TXNRD1: variants seen among roughly 807,000 people sequenced by gnomAD.
TXNRD1 encodes the protein thioredoxin reductase 1.
TXNRD1 carries 57 observed loss-of-function variants against 80.3 expected under a neutral mutation model. The observed-to-expected ratio is 0.71, with a 90% CI of 0.57 to 0.89. The LOEUF is 0.89. Among genes scored for constraint, TXNRD1 ranks in the 40% least tolerant of loss-of-function variants. The pLI, the probability that TXNRD1 is intolerant of heterozygous loss-of-function variation, is 0.00. For synonymous variants in TXNRD1, 291 were observed against 285.2 expected (o/e 1.02, Z -0.20); for missense variants, 730 against 803.0 (o/e 0.91, Z 1.10).
intron 3 of TXNRD1, chr12:104,258,349 T>C (rs1469896698): frequency 9.7e-6 from 3 of 308,850 alleles, no homozygotes; most frequent in Admixed American, 1.1e-4. Context: ...TAGTTACAGA[T>C]ACAGTATTTG....
chr12:104,236,545 T>G (rs949754708), intron 1 of TXNRD1, among the ~76,000 whole-genome samples: 1 of 152,106 alleles, frequency 6.6e-6, no homozygotes, highest in African/African-American at 2.4e-5. Context: ...ATCCCAGCAC[T>G]TTGGGAGGCT....
chr12:104,299,913 G>A (rs2034564466), intron 4 of TXNRD1, among the ~76,000 whole-genome samples: 1 of 152,156 alleles, frequency 6.6e-6, no homozygotes, highest in Non-Finnish European at 1.5e-5. Flanking sequence ...GAGAAAAGCT[G>A]CTATGAAAGA....
At chr12:104,310,170 G>A in intron 4 of TXNRD1, 1 of 1,091,484 alleles carries the variant, frequency 9.2e-7, no homozygotes. Context: ...AAATGAGATG[G>A]AGTCTCACTC....
At chr12:104,343,333 C>G (rs1193762572) in intron 16 of TXNRD1, among the ~76,000 whole-genome samples, 3 of 152,130 alleles carry the variant, frequency 2.0e-5, no homozygotes, top group Non-Finnish European at 4.4e-5. Flanking sequence ...TACTTCATCT[C>G]CACAGACTGT....
At chr12:104,328,250 A>G (rs1054169940) in intron 13 of TXNRD1, among the ~76,000 whole-genome samples, 2 of 152,054 alleles carry the variant, frequency 1.3e-5, no homozygotes, top group African/African-American at 2.4e-5. Context: ...TCAAGTTTTC[A>G]GCACTGTTGT....
chr12:104,339,464 C>T (rs761754264), intron 16 of TXNRD1, 191 bp downstream of exon 16: 1 of 794,324 alleles, frequency 1.3e-6, no homozygotes, highest in South Asian at 1.3e-5. Flanking sequence ...AGGCTTCCGT[C>T]ATGTCGTTAA....
chr12:104,223,988 A>G (rs933209457), intron 1 of TXNRD1, among the ~76,000 whole-genome samples: 2 of 152,236 alleles, frequency 1.3e-5, no homozygotes, highest in Non-Finnish European at 2.9e-5. Flanking sequence ...TTCTTTTTGC[A>G]TAGGCACTGA....
rs573074840 is a variant in TXNRD1 at position 104,224,434 on chromosome 12, G to A, written c.91+8541G>A. On this transcript the variant is annotated intron_variant, in intron 1 of 16. Transcript: ENST00000525566. ...AAACAGAGTCTTGCTCTGTCCCCAGGCTAGAGTGCAGTGGCGCAATCTCGG... is the reference window on the plus strand; with the variant it reads ...AAACAGAGTCTTGCTCTGTCCCCAGACTAGAGTGCAGTGGCGCAATCTCGG... Among the ~76,000 whole-genome samples, 260 of 152,182 alleles carry A rather than the reference G, an allele frequency of 1.7e-3. 2 individuals are homozygous for A. Among genetic ancestry groups the A allele is most frequent in the South Asian group, 3.1e-3 (15 of 4,820 alleles).
intron 3 of TXNRD1, among the ~76,000 whole-genome samples, chr12:104,273,766 G>A (rs1180907235): frequency 6.6e-6 from 1 of 152,264 alleles, no homozygotes; most frequent in Non-Finnish European, 1.5e-5. Context: ...GAAAGAGGAA[G>A]AGGATTAGAA....
At chr12:104,329,512 G>A (rs1338482249) in intron 13 of TXNRD1, among the ~76,000 whole-genome samples, 2 of 151,858 alleles carry the variant, frequency 1.3e-5, no homozygotes, top group African/African-American at 4.8e-5. Flanking sequence ...AGATCGGTGA[G>A]GTGGTGCGTG....
In TXNRD1 at chr12:104,324,968, C is replaced by T. The variant is rs528763182; in HGVS notation, c.1216-369C>T. Among the ~76,000 whole-genome samples, 6 of 152,284 alleles carry T rather than the reference C, an allele frequency of 3.9e-5. No homozygotes were observed. The East Asian group carries it at 7.7e-4, about 20-fold the overall frequency. On this transcript the variant is annotated intron_variant, in intron 10 of 16. Transcript: ENST00000525566. ...TCTCTGAATTTGGGCAACAGTTGCC[C>T]TCCATGGGATTAATGATTCTGGGTG...
intron 2 of TXNRD1, among the ~76,000 whole-genome samples, chr12:104,255,631 A>G (rs2033231486): frequency 6.6e-6 from 1 of 152,116 alleles, no homozygotes; most frequent in African/African-American, 2.4e-5. Context: ...CGTCTCTACT[A>G]AAAATACAAA....
intron 1 of TXNRD1, among the ~76,000 whole-genome samples, chr12:104,243,707 C>T (rs996889698): frequency 1.2e-4 from 19 of 152,268 alleles, no homozygotes; most frequent in Admixed American, 1.0e-3. Context: ...CATGACAAAC[C>T]TGTAAACCAG....
chr12:104,320,646 G>GTT (rs777199543), intron 9 of TXNRD1, among the ~76,000 whole-genome samples: 17 of 146,238 alleles, frequency 1.2e-4, no homozygotes, highest in South Asian at 2.2e-4. Flanking sequence ...GATATTGAAA[G>GTT]TTTTTTTTTT....
intron 9 of TXNRD1, 140 bp from the exon 10 acceptor site, chr12:104,320,951 A>G: frequency 3.0e-6 from 2 of 662,528 alleles, no homozygotes; most frequent in Non-Finnish European, 5.2e-6. Flanking sequence ...CTTCTCATGT[A>G]TTATGTGTGT....
intron 1 of TXNRD1, among the ~76,000 whole-genome samples, chr12:104,237,976 G>A (rs1410058539): frequency 2.0e-5 from 3 of 151,500 alleles, no homozygotes; most frequent in Admixed American, 1.3e-4. Context: ...ACGCCACTGC[G>A]CTCCAGCCTG....
Position 104,343,036 on chromosome 12 carries a change from G to A in TXNRD1, c.1881+3763G>A, listed in dbSNP as rs148349585. On this transcript the variant is annotated intron_variant, in intron 16 of 16. Coordinates refer to ENST00000525566, the MANE Select transcript of TXNRD1 (RefSeq NM_001093771.3). ...TGAAGACCACTCAGGTTTGTGTCCT[G>A]CAGCAGGAAGTAATAGCAAGAGCAG... 7.0e-3 allele frequency among the ~76,000 whole-genome samples: 1,064 copies of A among 152,306 alleles called. 14 individuals carry two copies. Among genetic ancestry groups the A allele is most frequent in the African/African-American group, 0.024 (982 of 41,556 alleles).
intron 3 of TXNRD1, among the ~76,000 whole-genome samples, chr12:104,280,906 C>G (rs2033863383): frequency 7.2e-5 from 11 of 152,136 alleles, no homozygotes; most frequent in Admixed American, 7.2e-4. Flanking sequence ...TCTATATATA[C>G]ATGTATCCTA....
chr12:104,337,133 T>C (rs955158480), intron 15 of TXNRD1, among the ~76,000 whole-genome samples: 1 of 152,048 alleles, frequency 6.6e-6, no homozygotes, highest in African/African-American at 2.4e-5. Context: ...AATCTCTTGT[T>C]TTTTGAGACC....
Sources: allele counts gnomAD v4.1 joint callset (sites outside exome capture counted in the v4.1 genomes callset), GRCh38; gene constraint gnomAD v4.1.1; transcripts MANE v1.5; gene names NCBI Gene and HGNC (gene_info 2026-07-23, HGNC 2026-07-21).